Variants in WDR88 observed in about 807,000 individuals in gnomAD.
WDR88 encodes the protein WD repeat-containing protein 88.
A neutral mutation model predicts 46.8 loss-of-function variants in WDR88; 40 were observed. The ratio of observed to expected loss-of-function variants is 0.86; its 90% CI spans 0.66 to 1.11. WDR88 has a LOEUF of 1.11. Ranked by LOEUF, WDR88 falls within the 50% of genes most tolerant of loss-of-function variation. The probability of loss-of-function intolerance (pLI) is 0.00; values close to 1 mark genes in which losing one functional copy is unlikely to be tolerated. For synonymous variants in WDR88, 235 were observed against 240.7 expected (o/e 0.98, Z 0.22); for missense variants, 562 against 602.4 (o/e 0.93, Z 0.70).
At chr19:33,174,329 G>C (rs1469391152) in intron 10 of WDR88, 1 of 1,497,954 alleles carries the variant, frequency 6.7e-7, no homozygotes, top group East Asian at 2.5e-5. Context: ...GCAGGCCTCA[G>C]TGTCCTGGAG....
At chr19:33,137,071 C>G (rs2145362020) in intron 1 of WDR88, among the ~76,000 whole-genome samples, 1 of 151,202 alleles carries the variant, frequency 6.6e-6, no homozygotes, top group Admixed American at 6.6e-5. Flanking sequence ...GCTGGGACTA[C>G]AAGTGTGAGC....
chr19:33,147,759 C>T lies in WDR88; in HGVS notation c.540+51C>T, dbSNP rs572965560. ...GTTGGTTGCAGCCCAGGGGCTTGAC[C>T]AAGCCTCAGGCAGCTTTGGGTTGGA... On this transcript the variant is annotated intron_variant, in intron 4 of 10. Transcript: ENST00000355868. 1.7e-5 allele frequency: 27 copies of T among 1,575,394 alleles called. No homozygotes were observed. The African/African-American group carries it at 3.1e-4, about 18-fold the overall frequency.
At chr19:33,146,319 G>A (rs538976140) in intron 3 of WDR88, among the ~76,000 whole-genome samples, 4 of 152,144 alleles carry the variant, frequency 2.6e-5, no homozygotes, top group African/African-American at 9.6e-5. Context: ...AAAAGAAGAA[G>A]AGGAAAACAG....
chr19:33,133,194 A>AATAAATAAAT (rs1351551438), intron 1 of WDR88, among the ~76,000 whole-genome samples: 112 of 49,490 alleles, frequency 2.3e-3, no homozygotes, highest in African/African-American at 5.3e-3. Flanking sequence ...TAAATAAATA[A>AATAAATAAAT]ATATAGAGAG....
intron 10 of WDR88, 31 bp from the exon 11 acceptor site, chr19:33,175,365 C>T (rs376197012): frequency 1.9e-6 from 3 of 1,610,168 alleles, no homozygotes; most frequent in Non-Finnish European, 2.5e-6. Context: ...CCAGCACCTC[C>T]TTTCTGCTCT....
intron 2 of WDR88, among the ~76,000 whole-genome samples, chr19:33,140,889 A>AATCATATTACCTTTGTAATAAT (rs1973376163): frequency 6.6e-6 from 1 of 152,034 alleles, no homozygotes; most frequent in Admixed American, 6.6e-5. Context: ...TCTGTAATAA[A>AATCATATTACCTTTGTAATAAT]ATCATATTAC....
chr19:33,155,634 A>C (rs1361180344), intron 6 of WDR88, among the ~76,000 whole-genome samples: 1 of 152,146 alleles, frequency 6.6e-6, no homozygotes, highest in Non-Finnish European at 1.5e-5. Flanking sequence ...GGGGAGCAGG[A>C]GAGAGCCTCT....
intron 8 of WDR88, among the ~76,000 whole-genome samples, chr19:33,161,514 G>A (rs562322433): frequency 6.6e-6 from 1 of 152,208 alleles, no homozygotes; most frequent in South Asian, 2.1e-4. Context: ...CTGTTCCCAG[G>A]GACACAAAGT....
intron 2 of WDR88, among the ~76,000 whole-genome samples, chr19:33,138,215 G>GT (rs972286396): frequency 4.6e-5 from 7 of 151,590 alleles, no homozygotes; most frequent in African/African-American, 7.3e-5. Flanking sequence ...TTTGTTTTTT[G>GT]TTTTTTTGTG....
At chr19:33,173,196 C>T (rs1222518656) in intron 10 of WDR88, among the ~76,000 whole-genome samples, 1 of 150,496 alleles carries the variant, frequency 6.6e-6, no homozygotes, top group Middle Eastern at 3.4e-3. Flanking sequence ...CCTGGTGCAT[C>T]GGAGGGGTGG....
At chr19:33,140,473 T>C (rs1973366663) in intron 2 of WDR88, among the ~76,000 whole-genome samples, 1 of 152,080 alleles carries the variant, frequency 6.6e-6, no homozygotes. Flanking sequence ...CATAGATGTA[T>C]GCGGACATGT....
intron 9 of WDR88, among the ~76,000 whole-genome samples, chr19:33,167,789 T>G (rs768225877): frequency 3.3e-5 from 5 of 150,918 alleles, no homozygotes; most frequent in Admixed American, 6.6e-5. Context: ...TCCTCTCTCT[T>G]TCTCTCTTTC....
chr19:33,161,995 C>T (rs1973875617), intron 8 of WDR88, among the ~76,000 whole-genome samples: 1 of 152,164 alleles, frequency 6.6e-6, no homozygotes, highest in South Asian at 2.1e-4. Context: ...TTTCTCTGTG[C>T]TCCCATCCTC....
intron 8 of WDR88, among the ~76,000 whole-genome samples, chr19:33,161,271 T>C (rs181786900): frequency 2.6e-4 from 40 of 152,096 alleles, no homozygotes; most frequent in Admixed American, 2.6e-3. Flanking sequence ...AAAATGGGGA[T>C]GTCAACTGAA....
At chr19:33,133,248 GAGAA>G (rs974314348) in intron 1 of WDR88, among the ~76,000 whole-genome samples, 14 of 117,182 alleles carry the variant, frequency 1.2e-4, no homozygotes, top group Admixed American at 4.9e-4. Flanking sequence ...AAGAAAGAAG[GAGAA>G]AGAAAGAAAA....
chr19:33,144,256 G>A (rs1460171931), intron 2 of WDR88, among the ~76,000 whole-genome samples: 1 of 152,188 alleles, frequency 6.6e-6, no homozygotes, highest in Non-Finnish European at 1.5e-5. Flanking sequence ...CTGGAATGAA[G>A]TGGCGCAATC....
At chr19:33,164,922 A>G (rs1316146372) in intron 9 of WDR88, among the ~76,000 whole-genome samples, 1 of 152,034 alleles carries the variant, frequency 6.6e-6, no homozygotes, top group African/African-American at 2.4e-5. Flanking sequence ...ACCATTATGT[A>G]GAATCAGTGG....
chr19:33,167,740 T>C (rs1973976106), intron 9 of WDR88, among the ~76,000 whole-genome samples: 1 of 151,176 alleles, frequency 6.6e-6, no homozygotes, highest in Admixed American at 6.6e-5. Flanking sequence ...TTCCCTCCTC[T>C]TTTCTCTTCT....
chr19:33,133,941 C>T (rs1210587182), intron 1 of WDR88, among the ~76,000 whole-genome samples: 1 of 152,276 alleles, frequency 6.6e-6, no homozygotes, highest in African/African-American at 2.4e-5. Context: ...CTGCCAGCAA[C>T]TGGCCCCTCG....
Sources: allele counts gnomAD v4.1 joint callset (sites outside exome capture counted in the v4.1 genomes callset), GRCh38; gene constraint gnomAD v4.1.1; transcripts MANE v1.5; gene names NCBI Gene and HGNC (gene_info 2026-07-23, HGNC 2026-07-21).